Variants in FGF13 observed in about 807,000 individuals in gnomAD.
FGF13 encodes the protein fibroblast growth factor 13, also known as fibroblast growth factor homologous factor 2.
FGF13 carries 2 observed loss-of-function variants against 19.5 expected under a neutral mutation model. That is an observed-to-expected ratio of 0.10 (90% CI 0.04 to 0.32). The LOEUF is 0.32. FGF13 is among the 10% of genes least tolerant of loss of function. The pLI, the probability that FGF13 is intolerant of heterozygous loss-of-function variation, is 1.00. For synonymous variants in FGF13, 72 were observed against 76.9 expected (o/e 0.94, Z 0.33); for missense variants, 113 against 192.7 (o/e 0.59, Z 2.45).
upstream of FGF13, chrX:138,714,301 C>T (rs1316421826): frequency 2.7e-5 from 3 of 111,711 alleles, no homozygotes; most frequent in African/African-American, 9.8e-5. Flanking sequence ...GAAAGAAAAC[C>T]ATTTTGAAAT....
chrX:139,032,339 C>T (rs1200177942), intron 1 of FGF13, among the ~76,000 whole-genome samples: 1 of 111,795 alleles, frequency 8.9e-6, no homozygotes, highest in African/African-American at 3.2e-5. Flanking sequence ...CTTCCACCAA[C>T]TTCCTTTTTA....
Position 138,985,009 on chromosome X carries a change from G to C in FGF13, c.-112-120359C>G, listed in dbSNP as rs756178436. 8.3e-6 allele frequency: 3 copies of C among 361,363 alleles called. No homozygotes were observed. The East Asian group carries it at 2.4e-4, about 29-fold the overall frequency. 29.8% of individuals were successfully genotyped at this position (361,363 alleles called of 1,213,427 possible). ...TGACATCACACTTAATCATACTAAT[G>C]TCTCTTACTTAGGTAGTAGCTTCCT... On this transcript the variant is annotated intron_variant, in intron 1 of 2. Coordinates refer to the FGF13 transcript ENST00000421460.
Position 138,957,455 on chromosome X carries a change from T to C in FGF13, c.-112-92805A>G, listed in dbSNP as rs780450194. Among the ~76,000 whole-genome samples, 434 of 111,960 alleles carry C rather than the reference T, an allele frequency of 3.9e-3. 1 individual carries two copies. Among genetic ancestry groups the C allele is most frequent in the Non-Finnish European group, 6.9e-3 (365 of 53,157 alleles). ...TTCAGACATCAGAAGCCAGGTAGCG[T>C]GATGCCTCCAGCTTTGTTCTTTTGG... On this transcript the variant is annotated intron_variant, in intron 1 of 2. Transcript: ENST00000421460.
chrX:139,190,811 A>G, intron 1 of FGF13, among the ~76,000 whole-genome samples: 1 of 112,139 alleles, frequency 8.9e-6, no homozygotes, highest in East Asian at 2.8e-4. Flanking sequence ...CCGAGAAGCA[A>G]GACAGCCACT....
chrX:138,682,072 T>G (rs1355677700), intron 3 of FGF13, among the ~76,000 whole-genome samples: 2 of 112,489 alleles, frequency 1.8e-5, no homozygotes, highest in African/African-American at 6.4e-5. Context: ...TAGATTTTCT[T>G]GATGCAGGGT....
At chrX:139,034,639 C>T (rs2092244551) in intron 1 of FGF13, among the ~76,000 whole-genome samples, 1 of 110,930 alleles carries the variant, frequency 9.0e-6, no homozygotes, top group Non-Finnish European at 1.9e-5. Flanking sequence ...ATGTGACTTG[C>T]AAGTAGCAAA....
chrX:139,201,547 T>G (rs992039257), intron 1 of FGF13, among the ~76,000 whole-genome samples: 1 of 112,388 alleles, frequency 8.9e-6, no homozygotes, highest in Non-Finnish European at 1.9e-5. Flanking sequence ...AAGGTATCTA[T>G]GAAATGCTTG....
chrX:138,702,236 C>G (rs1255115587), intron 3 of FGF13, among the ~76,000 whole-genome samples: 1 of 111,348 alleles, frequency 9.0e-6, no homozygotes, highest in Non-Finnish European at 1.9e-5. Context: ...ATTCATATAT[C>G]AAATAGTCTC....
At position 138,616,386 on chromosome X, in the gene FGF13, C is replaced by T. The variant is rs1321161683; in HGVS notation, c.*16464G>A. On this transcript the variant is annotated 3_prime_UTR_variant, in exon 5 of 5. Transcript: ENST00000315930. ...AAAGCTTAAAGTTCCAAAATGATCTCCTTAGGCTCCATGTCTCACATCTAT... is the reference window on the plus strand; with the variant it reads ...AAAGCTTAAAGTTCCAAAATGATCTTCTTAGGCTCCATGTCTCACATCTAT... 8.9e-6 allele frequency: 1 copy of T among 112,807 alleles called. No homozygotes were observed. The highest frequency in any genetic ancestry group is 1.9e-5 in the Non-Finnish European group (1 of 53,389). The allele number at this position is 112,807 out of a possible 1,213,427, so 9.3% of individuals were successfully genotyped here. A position where few individuals can be genotyped will look rare whatever the true frequency, so the allele number is the denominator to read the frequency against.
intron 1 of FGF13, among the ~76,000 whole-genome samples, chrX:139,003,041 G>A (rs1222724547): frequency 8.9e-6 from 1 of 112,472 alleles, no homozygotes; most frequent in Non-Finnish European, 1.9e-5. Flanking sequence ...TTAGGTACCA[G>A]TGTGTCCGGA....
intron 3 of FGF13, among the ~76,000 whole-genome samples, chrX:138,678,354 A>C: frequency 8.9e-6 from 1 of 111,804 alleles, no homozygotes; most frequent in Non-Finnish European, 1.9e-5. Context: ...GTTCCCTAAA[A>C]CTTAAAGTAT....
chrX:139,125,319 AT>A (rs1361483201), intron 1 of FGF13, among the ~76,000 whole-genome samples: 7 of 111,994 alleles, frequency 6.3e-5, no homozygotes, highest in African/African-American at 2.3e-4. Context: ...AACACCAGCA[AT>A]TTTTTTGGCA....
intron 1 of FGF13, among the ~76,000 whole-genome samples, chrX:138,988,879 AT>A (rs2092003822): frequency 8.9e-6 from 1 of 112,095 alleles, no homozygotes; most frequent in Non-Finnish European, 1.9e-5. Context: ...CTCTTAATAA[AT>A]TTTTATACTT....
intron 2 of FGF13, among the ~76,000 whole-genome samples, chrX:138,707,728 C>G (rs762933107): frequency 1.8e-5 from 2 of 111,564 alleles, no homozygotes; most frequent in Non-Finnish European, 3.8e-5. Context: ...TCCTCCATAC[C>G]AACAAAGCTT....
chrX:139,196,827 C>A (rs1189397517), intron 1 of FGF13, among the ~76,000 whole-genome samples: 2 of 112,076 alleles, frequency 1.8e-5, no homozygotes, highest in African/African-American at 6.5e-5. Flanking sequence ...AATGTCCATA[C>A]ATTGTTATGA....
In FGF13 at chrX:139,023,120, G is replaced by T. The variant is rs1387572913; in HGVS notation, c.-112-158470C>A. On this transcript the variant is annotated intron_variant, in intron 1 of 2. Coordinates refer to the FGF13 transcript ENST00000421460. Reference sequence around the variant, plus strand: ...TGTAAACTCCTCAGGTTTAAATCAGGACTCATCAATCATTTCCTGTAAAGA... The same window carrying T: ...TGTAAACTCCTCAGGTTTAAATCAGTACTCATCAATCATTTCCTGTAAAGA... Among the ~76,000 whole-genome samples the T allele has an allele frequency of 7.3e-5, 8 of 110,230 alleles. No homozygotes were observed. In the Admixed American group the frequency reaches 7.8e-4, roughly 11 times the overall value.
chrX:139,178,993 A>G (rs905884448), intron 1 of FGF13, among the ~76,000 whole-genome samples: 1 of 112,394 alleles, frequency 8.9e-6, no homozygotes, highest in Non-Finnish European at 1.9e-5. Context: ...GAAAATCTAC[A>G]TAATGGACTC....
chrX:139,138,207 A>G (rs2083814923), intron 1 of FGF13, among the ~76,000 whole-genome samples: 1 of 112,192 alleles, frequency 8.9e-6, no homozygotes, highest in Admixed American at 9.5e-5. Flanking sequence ...CAAATTACAG[A>G]TGGTAAAACG....
chrX:139,125,236 T>C (rs2083706820), intron 1 of FGF13, among the ~76,000 whole-genome samples: 1 of 111,201 alleles, frequency 9.0e-6, no homozygotes, highest in Non-Finnish European at 1.9e-5. Flanking sequence ...AGTTTCCTTA[T>C]GGGAATATTC....
Sources: allele counts gnomAD v4.1 joint callset (sites outside exome capture counted in the v4.1 genomes callset), GRCh38; gene constraint gnomAD v4.1.1; transcripts MANE v1.5; gene names NCBI Gene and HGNC (gene_info 2026-07-23, HGNC 2026-07-21).